Variants in CHIA observed in about 807,000 individuals in gnomAD.
CHIA encodes chitinase acidic, also known as acidic mammalian chitinase.
In CHIA, 47 loss-of-function variants were observed where a neutral mutation model predicts 53.5. The ratio of observed to expected loss-of-function variants is 0.88; its 90% CI spans 0.70 to 1.12. The LOEUF is 1.12. Ranked by LOEUF, CHIA falls within the 50% of genes most tolerant of loss-of-function variation. The pLI is 0.00. For synonymous variants in CHIA, 268 were observed against 222.2 expected, an observed-to-expected ratio of 1.21 and a Z score of -1.83; for missense variants, 652 against 592.2, an observed-to-expected ratio of 1.10 and a Z score of -1.05.
In CHIA at chr1:111,311,678, T is replaced by C; in HGVS notation, c.26-11T>C. 2 of 1,614,080 alleles carry C rather than the reference T, an allele frequency of 1.2e-6. No individual in the cohort carries two copies. The highest frequency in any genetic ancestry group is 1.3e-5 in the African/African-American group (1 of 75,036). The stretch of plus-strand genomic sequence containing the variant: ...ATCGGTTCAAAGTACATGCTTTTTC[T>C]TTCTATCCAGGTCTTGTCCTTATAC... On this transcript the variant is annotated splice_polypyrimidine_tract_variant and intron_variant, in intron 2 of 11. Transcript: ENST00000369740.
rs374709008 is a variant in CHIA, at chr1:111,303,112, C to A, written c.-68-7288C>A. Among the ~76,000 whole-genome samples, 10 of 152,174 alleles carry A rather than the reference C, an allele frequency of 6.6e-5. No homozygotes were observed. The East Asian group carries it at 1.9e-3, about 29-fold the overall frequency. On this transcript the variant is annotated intron_variant, in intron 1 of 11. Coordinates refer to ENST00000369740, the MANE Select transcript of CHIA (RefSeq NM_201653.4). ...TACTATTTGCATGGAATACCTGTCT[C>A]CATCCTTTCTCTTTCAAACTATTTA...
chr1:111,319,766 C>A (rs1371480315), intron 11 of CHIA, among the ~76,000 whole-genome samples: 1 of 152,218 alleles, frequency 6.6e-6, no homozygotes, highest in Non-Finnish European at 1.5e-5. Flanking sequence ...CTCTATGAAT[C>A]CCTTATTCAA....
At chr1:111,310,342 G>A in intron 1 of CHIA, 58 bp from the exon 2 acceptor site, 4 of 1,535,474 alleles carry the variant, frequency 2.6e-6, no homozygotes, top group Middle Eastern at 1.7e-4. Context: ...AGAAGAGAAG[G>A]TCCGTTGATT....
At chr1:111,301,926 G>A (rs931229740) in intron 1 of CHIA, among the ~76,000 whole-genome samples, 1 of 151,944 alleles carries the variant, frequency 6.6e-6, no homozygotes, top group African/African-American at 2.4e-5. Flanking sequence ...TTGGGGGAGG[G>A]ATAGCATCAG....
chr1:111,313,249 T>A (rs1389632835), intron 4 of CHIA, among the ~76,000 whole-genome samples: 1 of 152,262 alleles, frequency 6.6e-6, no homozygotes, highest in Non-Finnish European at 1.5e-5. Context: ...ATAATGGGTA[T>A]ACTAATGTTC....
At chr1:111,314,176 T>A (rs1648946580) in intron 4 of CHIA, among the ~76,000 whole-genome samples, 1 of 152,204 alleles carries the variant, frequency 6.6e-6, no homozygotes, top group Admixed American at 6.5e-5. Context: ...TTAATTTATT[T>A]TAACATTACA....
In CHIA at chr1:111,317,896, G is replaced by C. The variant is rs1306477693; in HGVS notation, c.606-90G>C. 1.9e-6 allele frequency: 3 copies of C among 1,610,252 alleles called. No individual in the cohort carries two copies. In the Admixed American group the frequency reaches 5.0e-5, roughly 27 times the overall value. Reference sequence around the variant, plus strand: ...GTCTGGCTTGCTATTCAGGGACCTTGTTTAGGAGACTTTAGAAGTGGTGTC... The same window carrying C: ...GTCTGGCTTGCTATTCAGGGACCTTCTTTAGGAGACTTTAGAAGTGGTGTC... On this transcript the variant is annotated intron_variant, in intron 7 of 11. Coordinates refer to ENST00000369740, the MANE Select transcript of CHIA (RefSeq NM_201653.4).
Position 111,319,153 on chromosome 1 carries a change from G to A in CHIA, c.949G>A (p.Gly317Arg). Residue 317 changes from glycine to arginine, a missense_variant, in exon 10 of 12, where the codon GGA (glycine) becomes AGA (arginine). Gly to Arg is a moderately radical substitution (Grantham distance 125). Transcript: ENST00000369740. ...CTTCCTGAAAAATGGAGCCACTCAGGGATGGGATGCCCCTCAGGAAGTGCC... is the reference window on the plus strand; with the variant it reads ...CTTCCTGAAAAATGGAGCCACTCAGAGATGGGATGCCCCTCAGGAAGTGCC... The part of the protein sequence containing the change: ...CTFLKNGATQ[G>R]WDAPQEVPYA... 6.2e-7 allele frequency: 1 copy of A among 1,612,302 alleles called. No individual in the cohort carries two copies. Among genetic ancestry groups the A allele is most frequent in the Non-Finnish European group, 8.5e-7 (1 of 1,179,992 alleles).
At chr1:111,314,179 A>G (rs75227179) in intron 4 of CHIA, among the ~76,000 whole-genome samples, 2,247 of 152,318 alleles carry the variant, frequency 0.015, 37 homozygotes, top group East Asian at 0.092. Context: ...ATTTATTTTA[A>G]CATTACAGAG....
chr1:111,312,224 C>A lies in CHIA; in HGVS notation c.90C>A (p.Asn30Lys). ...ACCAGCTGACATGCTACTTCACCAA[C>A]TGGGCCCAGTACCGGCCAGGCCTGG... ...SAYQLTCYFTNWAQYRPGLGR... is the reference protein window; with the variant it reads ...SAYQLTCYFTKWAQYRPGLGR... The change falls in exon 4 of 12, where the codon AAC becomes AAA. Residue 30 changes from asparagine to lysine, a missense_variant. Physicochemically the swap from Asn to Lys is moderately conservative, Grantham distance 94. Transcript: ENST00000369740. The A allele has an allele frequency of 6.2e-7, 1 of 1,614,176 alleles. No homozygotes were observed. The highest frequency in any genetic ancestry group is 8.5e-7 in the Non-Finnish European group (1 of 1,180,016).
intron 4 of CHIA, 130 bp from the exon 5 acceptor site, chr1:111,314,410 A>G: frequency 1.7e-6 from 1 of 598,756 alleles, no homozygotes; most frequent in East Asian, 2.9e-5. Context: ...AGTTTTCAGT[A>G]GGGGAGGAAA....
At chr1:111,313,867 G>C (rs890441005) in intron 4 of CHIA, among the ~76,000 whole-genome samples, 1 of 152,196 alleles carries the variant, frequency 6.6e-6, no homozygotes, top group African/African-American at 2.4e-5. Context: ...GCTACTATCA[G>C]TAATGGCATT....
intron 5 of CHIA, 26 bp downstream of exon 5, chr1:111,314,622 G>A (rs1342585068): frequency 6.3e-7 from 1 of 1,590,440 alleles, no homozygotes; most frequent in South Asian, 1.1e-5. Context: ...AGAGCATGTT[G>A]TTCGTTTGCT....
intron 1 of CHIA, among the ~76,000 whole-genome samples, chr1:111,301,995 T>A (rs1053493092): frequency 2.0e-5 from 3 of 152,158 alleles, no homozygotes; most frequent in Non-Finnish European, 4.4e-5. Flanking sequence ...ATGGCATATG[T>A]ATAGCTATGT....
intron 1 of CHIA, among the ~76,000 whole-genome samples, chr1:111,305,748 A>G (rs1648127822): frequency 6.6e-6 from 1 of 152,206 alleles, no homozygotes; most frequent in Non-Finnish European, 1.5e-5. Context: ...TCTTCTCAGA[A>G]TTCGTTCCTC....
intron 1 of CHIA, among the ~76,000 whole-genome samples, chr1:111,309,025 G>T (rs1194552755): frequency 6.6e-6 from 1 of 152,188 alleles, no homozygotes; most frequent in Non-Finnish European, 1.5e-5. Flanking sequence ...GGGCCTGTCA[G>T]TGGGGGTGGC....
At chr1:111,291,039 T>C (rs4838897) in intron 1 of CHIA, 89 bp downstream of exon 1, 241,097 of 309,456 alleles carry the variant, frequency 0.78, 94,492 homozygotes, top group East Asian at 0.99. Flanking sequence ...TATCAAGTTG[T>C]TTATTATATC....
At chr1:111,319,019 G>A (rs1649416820) in intron 9 of CHIA, 101 bp from the exon 10 acceptor site, 15 of 1,453,090 alleles carry the variant, frequency 1.0e-5, no homozygotes, top group Non-Finnish European at 1.4e-5. Flanking sequence ...TAGAAATTGA[G>A]CAAAACCCCA....
At chr1:111,313,368 T>C (rs1369884179) in intron 4 of CHIA, among the ~76,000 whole-genome samples, 1 of 152,212 alleles carries the variant, frequency 6.6e-6, no homozygotes, top group African/African-American at 2.4e-5. Flanking sequence ...TGGTATCTCA[T>C]TTGATTTTGA....
Sources: gnomAD v4.1 joint callset for allele counts (sites outside exome capture counted in the v4.1 genomes callset) on GRCh38, gnomAD v4.1.1 for gene constraint, MANE v1.5 for transcripts, NCBI Gene and HGNC (gene_info 2026-07-23, HGNC 2026-07-21) for gene names.